Variants in AP2B1 observed in about 807,000 individuals in gnomAD.
AP2B1 encodes the protein AP-2 complex subunit beta.
AP2B1 carries 23 observed loss-of-function variants against 102.0 expected under a neutral mutation model. That is an observed-to-expected ratio of 0.23 (90% CI 0.16 to 0.32). AP2B1 has a LOEUF of 0.32. Ranked by LOEUF, AP2B1 falls within the 10% of genes least tolerant of loss-of-function variation. The pLI is 1.00. For missense variants in AP2B1, 541 were observed against 1,157.4 expected (o/e 0.47, Z 7.73); for synonymous variants, 381 against 421.2 (o/e 0.90, Z 1.17).
chr17:35,702,445 C>T (rs2076256677), intron 18 of AP2B1, among the ~76,000 whole-genome samples: 1 of 152,184 alleles, frequency 6.6e-6, no homozygotes, highest in South Asian at 2.1e-4. Flanking sequence ...GAAGGAACAA[C>T]AGGCTCCTGC....
intron 18 of AP2B1, among the ~76,000 whole-genome samples, chr17:35,707,387 G>A (rs994013635): frequency 1.7e-4 from 26 of 151,400 alleles, no homozygotes; most frequent in African/African-American, 6.3e-4. Flanking sequence ...TCCTGACCTC[G>A]TGATCTGCCT....
chr17:35,681,482 C>T (rs2075821332), intron 17 of AP2B1, among the ~76,000 whole-genome samples: 1 of 152,210 alleles, frequency 6.6e-6, no homozygotes, highest in African/African-American at 2.4e-5. Context: ...TCACTGCAAC[C>T]TCTAATGCCT....
At chr17:35,635,963 A>G (rs932912502) in intron 9 of AP2B1, among the ~76,000 whole-genome samples, 2 of 151,084 alleles carry the variant, frequency 1.3e-5, no homozygotes, top group Non-Finnish European at 2.9e-5. Context: ...TGCTGGGATT[A>G]CAGGCATGTG....
At chr17:35,643,950 A>T (rs988602816) in intron 12 of AP2B1, among the ~76,000 whole-genome samples, 3 of 152,216 alleles carry the variant, frequency 2.0e-5, no homozygotes, top group Non-Finnish European at 4.4e-5. Flanking sequence ...ATCACATTTA[A>T]CAATCTCCCA....
At chr17:35,688,467 G>T (rs1287174904) in intron 18 of AP2B1, among the ~76,000 whole-genome samples, 1 of 151,924 alleles carries the variant, frequency 6.6e-6, no homozygotes. Context: ...CATCATGCTG[G>T]GTACTCATTG....
chr17:35,648,622 T>C lies in AP2B1; in HGVS notation c.1537-1908T>C, dbSNP rs74252042. ...GGGCAACAGTGAAAATGTCCCTCAA[T>C]AGTGGACTAATAATTAATGGTGCAG... On this transcript the variant is annotated intron_variant, in intron 12 of 21. Coordinates refer to ENST00000610402, the MANE Select transcript of AP2B1 (RefSeq NM_001030006.2). Among the ~76,000 whole-genome samples the C allele has an allele frequency of 5.9e-5, 9 of 152,132 alleles. No homozygotes were observed. In the East Asian group the frequency reaches 1.7e-3, roughly 29 times the overall value.
chr17:35,598,631 G>A (rs1190409526), intron 3 of AP2B1, among the ~76,000 whole-genome samples: 5 of 152,126 alleles, frequency 3.3e-5, no homozygotes, highest in African/African-American at 1.2e-4. Flanking sequence ...AAATCTTTTT[G>A]CTGAGGTCGT....
intron 12 of AP2B1, among the ~76,000 whole-genome samples, chr17:35,646,603 T>G (rs910311461): frequency 4.7e-5 from 7 of 149,324 alleles, no homozygotes; most frequent in African/African-American, 1.2e-4. Flanking sequence ...TTTTTTTTTT[T>G]GAGATGGAGT....
intron 12 of AP2B1, among the ~76,000 whole-genome samples, chr17:35,645,773 C>T (rs1217982331): frequency 1.3e-5 from 2 of 152,046 alleles, no homozygotes; most frequent in East Asian, 1.9e-4. Context: ...CACTTGAACC[C>T]GGGAGGCAGA....
At chr17:35,644,051 C>G (rs567334993) in intron 12 of AP2B1, among the ~76,000 whole-genome samples, 1 of 152,304 alleles carries the variant, frequency 6.6e-6, no homozygotes, top group African/African-American at 2.4e-5. Flanking sequence ...TCATAAGCTT[C>G]CTAGAACAGG....
At chr17:35,657,952 A>G (rs1209622845) in intron 14 of AP2B1, among the ~76,000 whole-genome samples, 161 bp downstream of exon 14, 1 of 152,198 alleles carries the variant, frequency 6.6e-6, no homozygotes, top group East Asian at 1.9e-4. Context: ...ACAAAATTAT[A>G]ATTAATACTG....
intron 21 of AP2B1, among the ~76,000 whole-genome samples, chr17:35,722,371 T>G (rs1397214091): frequency 6.7e-6 from 1 of 148,998 alleles, no homozygotes; most frequent in Non-Finnish European, 1.5e-5. Flanking sequence ...GTTGTTTTGG[T>G]TTTTTTTACA....
intron 18 of AP2B1, among the ~76,000 whole-genome samples, chr17:35,699,262 T>C (rs1051158283): frequency 4.6e-5 from 7 of 152,230 alleles, no homozygotes; most frequent in Admixed American, 4.6e-4. Context: ...TTCAAAGCTT[T>C]CATTTCTGGT....
chr17:35,676,173 T>C (rs1049711286), intron 17 of AP2B1, among the ~76,000 whole-genome samples: 1 of 152,250 alleles, frequency 6.6e-6, no homozygotes, highest in Non-Finnish European at 1.5e-5. Flanking sequence ...TAATCAGATT[T>C]AGGCTCATAT....
At chr17:35,697,115 C>G (rs1488547375) in intron 18 of AP2B1, among the ~76,000 whole-genome samples, 1 of 152,034 alleles carries the variant, frequency 6.6e-6, no homozygotes, top group East Asian at 1.9e-4. Context: ...TCCTCTGACT[C>G]TGATACAATA....
intron 7 of AP2B1, 64 bp downstream of exon 7, chr17:35,626,906 A>G (rs543137519): frequency 3.7e-5 from 52 of 1,410,378 alleles, no homozygotes; most frequent in African/African-American, 1.3e-4. Context: ...AATAATGTCA[A>G]TGTTAATTAG....
chr17:35,614,907 A>G (rs1483408488), intron 5 of AP2B1, among the ~76,000 whole-genome samples: 3 of 152,190 alleles, frequency 2.0e-5, no homozygotes, highest in African/African-American at 7.2e-5. Flanking sequence ...TGGGATTATG[A>G]TGGTGGTTCT....
intron 21 of AP2B1, among the ~76,000 whole-genome samples, chr17:35,721,988 C>G (rs1308364472): frequency 6.6e-6 from 1 of 152,156 alleles, no homozygotes; most frequent in African/African-American, 2.4e-5. Context: ...TGCCTGTAAT[C>G]CCAGCATTTT....
chr17:35,704,564 T>C (rs1050600575), intron 18 of AP2B1, among the ~76,000 whole-genome samples: 4 of 152,192 alleles, frequency 2.6e-5, no homozygotes, highest in African/African-American at 7.2e-5. Context: ...CATTGTATTA[T>C]AGGTGAGCCG....
Sources: gnomAD v4.1 joint callset for allele counts (sites outside exome capture counted in the v4.1 genomes callset) on GRCh38, gnomAD v4.1.1 for gene constraint, MANE v1.5 for transcripts, NCBI Gene and HGNC (gene_info 2026-07-23, HGNC 2026-07-21) for gene names.